Variants in AUTS2 observed in about 807,000 individuals in gnomAD.
AUTS2 encodes activator of transcription and developmental regulator AUTS2.
A neutral mutation model predicts 112.4 loss-of-function variants in AUTS2; 17 were observed. The ratio of observed to expected loss-of-function variants is 0.15; its 90% CI spans 0.10 to 0.23. The LOEUF (loss-of-function observed/expected upper bound fraction) is 0.23, where lower values mean the gene tolerates loss of function less well. Ranked by LOEUF, AUTS2 falls within the 10% of genes least tolerant of loss-of-function variation. The probability of loss-of-function intolerance (pLI) is 1.00; values close to 1 mark genes in which losing one functional copy is unlikely to be tolerated. For synonymous variants in AUTS2, 751 were observed against 702.7 expected (o/e 1.07, Z -1.09); for missense variants, 1,510 against 1,701.6 (o/e 0.89, Z 1.98).
At chr7:69,859,484 G>A (rs1016795831) in intron 1 of AUTS2, among the ~76,000 whole-genome samples, 9 of 152,194 alleles carry the variant, frequency 5.9e-5, no homozygotes, top group African/African-American at 2.2e-4. Context: ...GTAACGGGCA[G>A]AAGTCATTAG....
rs180966805 is a variant in AUTS2 at position 69,651,954 on chromosome 7, T to C, written c.309+51992T>C. Among the ~76,000 whole-genome samples the C allele has an allele frequency of 3.0e-4, 46 of 152,302 alleles. No individual in the cohort carries two copies. The East Asian group carries it at 6.4e-3, about 21-fold the overall frequency. Reference sequence around the variant, plus strand: ...GTGATTTGAGTGTAAGTTTTTTCTTTAGTTTTTAGATTATTGTTCAAAGTC... The same window carrying C: ...GTGATTTGAGTGTAAGTTTTTTCTTCAGTTTTTAGATTATTGTTCAAAGTC... On this transcript the variant is annotated intron_variant, in intron 1 of 18. Coordinates refer to ENST00000342771, the MANE Select transcript of AUTS2 (RefSeq NM_015570.4).
intron 2 of AUTS2, among the ~76,000 whole-genome samples, chr7:69,926,489 A>G (rs868110703): frequency 1.4e-4 from 21 of 147,210 alleles, no homozygotes; most frequent in Admixed American, 6.9e-4. Context: ...CTATCTATCT[A>G]TCTGCCTGCC....
chr7:70,541,278 A>G (rs565156463), intron 5 of AUTS2, among the ~76,000 whole-genome samples: 6 of 152,272 alleles, frequency 3.9e-5, no homozygotes, highest in African/African-American at 1.4e-4. Context: ...AGGTACCCAG[A>G]ATGAGGTGAG....
At chr7:69,689,162 G>A (rs1044038203) in intron 1 of AUTS2, among the ~76,000 whole-genome samples, 1 of 151,862 alleles carries the variant, frequency 6.6e-6, no homozygotes, top group African/African-American at 2.4e-5. Flanking sequence ...CTCATTTGTA[G>A]AATATGGATC....
chr7:69,942,881 T>C (rs1796679363), intron 2 of AUTS2, among the ~76,000 whole-genome samples: 1 of 152,240 alleles, frequency 6.6e-6, no homozygotes, highest in Non-Finnish European at 1.5e-5. Context: ...TGCTTGCCAA[T>C]AGAAAACTGA....
intron 5 of AUTS2, among the ~76,000 whole-genome samples, chr7:70,599,705 G>A (rs887534311): frequency 6.6e-6 from 1 of 152,140 alleles, no homozygotes; most frequent in African/African-American, 2.4e-5. Context: ...ACAGGAATAG[G>A]TAGGTAGAGC....
intron 5 of AUTS2, among the ~76,000 whole-genome samples, chr7:70,492,505 A>C (rs1475221555): frequency 1.3e-5 from 2 of 152,212 alleles, no homozygotes. Flanking sequence ...TCTCACATGC[A>C]TTCTCTTACT....
At chr7:70,330,074 A>G (rs1238655700) in intron 4 of AUTS2, among the ~76,000 whole-genome samples, 2 of 152,178 alleles carry the variant, frequency 1.3e-5, no homozygotes, top group African/African-American at 4.8e-5. Context: ...CTTTAAAACT[A>G]TTGCATTGGA....
intron 1 of AUTS2, among the ~76,000 whole-genome samples, chr7:69,816,732 T>C (rs1790779210): frequency 6.6e-6 from 1 of 152,230 alleles, no homozygotes; most frequent in South Asian, 2.1e-4. Flanking sequence ...TTTGTAGATA[T>C]GAGGGCCAGA....
chr7:69,895,301 G>A (rs1162498374), intron 1 of AUTS2, among the ~76,000 whole-genome samples: 1 of 152,098 alleles, frequency 6.6e-6, no homozygotes, highest in East Asian at 1.9e-4. Flanking sequence ...TAAATGGTAA[G>A]CAGTCAGTAC....
chr7:70,356,526 G>T (rs1792016459), intron 4 of AUTS2, among the ~76,000 whole-genome samples: 1 of 152,248 alleles, frequency 6.6e-6, no homozygotes, highest in African/African-American at 2.4e-5. Flanking sequence ...TGTTATTGCA[G>T]ATAGAATTCC....
At chr7:70,045,626 C>G (rs555016452) in intron 2 of AUTS2, among the ~76,000 whole-genome samples, 2 of 151,024 alleles carry the variant, frequency 1.3e-5, no homozygotes, top group East Asian at 3.9e-4. Context: ...TATTTATTTT[C>G]AAGATGGAGT....
Position 69,996,239 on chromosome 7 carries a change from T to C in AUTS2, c.522+96741T>C, listed in dbSNP as rs1488470067. On this transcript the variant is annotated intron_variant, in intron 2 of 18. Transcript: ENST00000342771. ...TCATAAATTTGCAAAACACAGTGCA[T>C]GGGGCCTGCTATGGCAAGGTATGCT... Among the ~76,000 whole-genome samples, 3 of 152,152 alleles carry C rather than the reference T, an allele frequency of 2.0e-5. No individual in the cohort carries two copies. In the East Asian group the frequency reaches 5.8e-4, roughly 29 times the overall value.
intron 4 of AUTS2, among the ~76,000 whole-genome samples, chr7:70,181,904 T>C: frequency 6.6e-6 from 1 of 150,726 alleles, no homozygotes; most frequent in Non-Finnish European, 1.5e-5. Context: ...TTCACGCCAT[T>C]CTCCTGCCTC....
At chr7:70,246,309 T>C (rs1812921484) in intron 4 of AUTS2, among the ~76,000 whole-genome samples, 1 of 152,112 alleles carries the variant, frequency 6.6e-6, no homozygotes, top group African/African-American at 2.4e-5. Context: ...TTTCTAAAAG[T>C]GTTCTAGTTT....
At chr7:69,907,984 C>T (rs924708811) in intron 2 of AUTS2, among the ~76,000 whole-genome samples, 1 of 152,138 alleles carries the variant, frequency 6.6e-6, no homozygotes, top group Non-Finnish European at 1.5e-5. Context: ...TGTTTTATTG[C>T]CCATAGCTTT....
intron 4 of AUTS2, among the ~76,000 whole-genome samples, chr7:70,256,838 G>A (rs1786900450): frequency 1.3e-5 from 2 of 152,184 alleles, no homozygotes; most frequent in South Asian, 4.1e-4. Flanking sequence ...GTACTCTAGT[G>A]TCTTTATCCC....
intron 1 of AUTS2, among the ~76,000 whole-genome samples, chr7:69,843,924 G>A (rs1287736819): frequency 1.3e-5 from 2 of 152,142 alleles, no homozygotes; most frequent in East Asian, 1.9e-4. Flanking sequence ...TTACTTGAGC[G>A]CTCAATGCTG....
chr7:70,164,432 G>A (rs2129577881), intron 4 of AUTS2, among the ~76,000 whole-genome samples: 2 of 152,258 alleles, frequency 1.3e-5, no homozygotes, highest in South Asian at 2.1e-4. Flanking sequence ...TCAGGTGCCT[G>A]TAAGACTGTG....
Sources: allele counts gnomAD v4.1 joint callset (sites outside exome capture counted in the v4.1 genomes callset), GRCh38; gene constraint gnomAD v4.1.1; transcripts MANE v1.5; gene names NCBI Gene and HGNC (gene_info 2026-07-23, HGNC 2026-07-21).